PI4K2A: variants seen among roughly 807,000 people sequenced by gnomAD.
The protein encoded by PI4K2A is phosphatidylinositol 4-kinase type 2-alpha.
A neutral mutation model predicts 55.0 loss-of-function variants in PI4K2A; 20 were observed. That is an observed-to-expected ratio of 0.36 (90% CI 0.26 to 0.53). PI4K2A has a LOEUF of 0.53. Among genes scored for constraint, PI4K2A ranks in the 20% least tolerant of loss-of-function variants. The probability of loss-of-function intolerance (pLI) is 0.91; values close to 1 mark genes in which losing one functional copy is unlikely to be tolerated. For synonymous variants in PI4K2A, 235 were observed against 258.5 expected, an observed-to-expected ratio of 0.91 and a Z score of 0.87; for missense variants, 463 against 637.1, an observed-to-expected ratio of 0.73 and a Z score of 2.94.
exon 8 of PI4K2A, chr10:97,667,111 G>C: frequency 6.2e-7 from 1 of 1,612,668 alleles, no homozygotes; most frequent in Non-Finnish European, 8.5e-7. Flanking sequence ...TTGCTGTCAT[G>C]CGGGGCCAGG....
chr10:97,645,452 C>G (rs905789381), intron 1 of PI4K2A, among the ~76,000 whole-genome samples: 1 of 151,538 alleles, frequency 6.6e-6, no homozygotes, highest in Non-Finnish European at 1.5e-5. Context: ...ACTAGAAATA[C>G]AAAAAATTAG....
chr10:97,649,524 G>C (rs1427322982), intron 1 of PI4K2A, among the ~76,000 whole-genome samples: 1 of 146,732 alleles, frequency 6.8e-6, no homozygotes, highest in Non-Finnish European at 1.5e-5. Flanking sequence ...TTCCTGCTGT[G>C]ATTTTTCTCT....
intron 4 of PI4K2A, among the ~76,000 whole-genome samples, chr10:97,661,528 G>GC (rs2041584222): frequency 6.9e-6 from 1 of 144,148 alleles, no homozygotes; most frequent in Non-Finnish European, 1.5e-5. Flanking sequence ...TTTCCTTTCT[G>GC]TTTTTTTTTT....
intron 4 of PI4K2A, among the ~76,000 whole-genome samples, chr10:97,660,203 G>A (rs201119888): frequency 7.4e-5 from 11 of 148,456 alleles, no homozygotes; most frequent in Non-Finnish European, 1.3e-4. Flanking sequence ...GGGTTTCACC[G>A]TGTTAGCCAG....
At chr10:97,646,566 C>G (rs769334552) in intron 1 of PI4K2A, among the ~76,000 whole-genome samples, 14 of 152,148 alleles carry the variant, frequency 9.2e-5, no homozygotes, top group Non-Finnish European at 1.9e-4. Flanking sequence ...TGAGAACTAT[C>G]CACTTAATGT....
At chr10:97,667,112 C>T (rs751856414) in exon 8 of PI4K2A, 2 of 1,611,340 alleles carry the variant, frequency 1.2e-6, no homozygotes, top group South Asian at 2.2e-5. Flanking sequence ...TGCTGTCATG[C>T]GGGGCCAGGT....
rs12259459 is a variant in PI4K2A, at chr10:97,670,213, G to T, written c.1278+3093G>T. Reference sequence around the variant, plus strand: ...CCACATCCAGCCCAACATTTTCAAAGATAGTATTTATTCTTTAGTATTATG... The same window carrying T: ...CCACATCCAGCCCAACATTTTCAAATATAGTATTTATTCTTTAGTATTATG... On this transcript the variant is annotated intron_variant, in intron 8 of 8. Coordinates refer to ENST00000370631, the Ensembl canonical transcript of PI4K2A. 8.0e-3 allele frequency among the ~76,000 whole-genome samples: 1,219 copies of T among 152,256 alleles called. 15 individuals carry two copies. Among genetic ancestry groups the T allele is most frequent in the African/African-American group, 0.027 (1,128 of 41,538 alleles).
chr10:97,644,674 A>G (rs2041495446), intron 1 of PI4K2A, among the ~76,000 whole-genome samples: 1 of 152,248 alleles, frequency 6.6e-6, no homozygotes, highest in Non-Finnish European at 1.5e-5. Flanking sequence ...GAAGAAGGAA[A>G]GGGAGAGGGT....
exon 9 of PI4K2A, chr10:97,673,840 ACCTTTAAGAGC>A: frequency 7.2e-6 from 8 of 1,117,254 alleles, no homozygotes; most frequent in Non-Finnish European, 1.0e-5. Flanking sequence ...GGAGAGCAGC[ACCTTTAAGAGC>A]CCTCTCTCTC....
chr10:97,641,000 T>A (rs770096182), exon 1 of PI4K2A: 495 of 1,548,304 alleles, frequency 3.2e-4, no homozygotes, highest in Non-Finnish European at 4.1e-4. Flanking sequence ...CTCTGGCCGC[T>A]CAGGCCGCGG....
chr10:97,675,951 G>C (rs927250770), exon 9 of PI4K2A: 1 of 152,686 alleles, frequency 6.5e-6, no homozygotes, highest in African/African-American at 2.4e-5. Flanking sequence ...TGGGCTGCGA[G>C]AGTGTTGCTG....
chr10:97,665,578 G>A (rs2041605755), intron 6 of PI4K2A, among the ~76,000 whole-genome samples: 1 of 144,872 alleles, frequency 6.9e-6, no homozygotes, highest in Non-Finnish European at 1.5e-5. Flanking sequence ...CTGGCTGAGG[G>A]CTATTTATTT....
At chr10:97,673,132 G>A (rs538803303) in intron 8 of PI4K2A, among the ~76,000 whole-genome samples, 2 of 152,120 alleles carry the variant, frequency 1.3e-5, no homozygotes, top group African/African-American at 2.4e-5. Context: ...GACTACAGGC[G>A]TGTGCCACCA....
intron 4 of PI4K2A, among the ~76,000 whole-genome samples, chr10:97,661,002 A>AT (rs2041580215): frequency 7.0e-6 from 1 of 143,508 alleles, no homozygotes; most frequent in Non-Finnish European, 1.5e-5. Context: ...TTTATTTTAT[A>AT]TTTTTTGGAG....
At chr10:97,654,833 C>T (rs1019536513) in intron 2 of PI4K2A, among the ~76,000 whole-genome samples, 2 of 151,570 alleles carry the variant, frequency 1.3e-5, no homozygotes, top group Non-Finnish European at 2.9e-5. Context: ...ATTGATGGCT[C>T]ATAAAAATTT....
chr10:97,662,346 C>T (rs1276304692), intron 4 of PI4K2A, among the ~76,000 whole-genome samples: 2 of 152,096 alleles, frequency 1.3e-5, no homozygotes, highest in East Asian at 3.8e-4. Flanking sequence ...TATCAGAAAT[C>T]GTAGAGCTGT....
intron 4 of PI4K2A, among the ~76,000 whole-genome samples, chr10:97,660,037 T>C (rs1186543116): frequency 6.6e-4 from 98 of 149,382 alleles, no homozygotes; most frequent in Admixed American, 2.3e-3. Flanking sequence ...AGTCTCGCTC[T>C]GTCACCCAGG....
chr10:97,651,953 G>A (rs948981900), intron 2 of PI4K2A, among the ~76,000 whole-genome samples: 4 of 152,102 alleles, frequency 2.6e-5, no homozygotes, highest in African/African-American at 7.2e-5. Context: ...TGAGTACGTG[G>A]CTACCTGGGG....
rs530111191 is a variant in PI4K2A at position 97,643,246 on chromosome 10, C to T, written c.435+2069C>T. ...AGCAGTCATCCTCTTGCCTCAGCCT[C>T]CCAAAGTGCTGGGATTACAGGTGTG... On this transcript the variant is annotated intron_variant, in intron 1 of 8. Coordinates refer to ENST00000370631, the Ensembl canonical transcript of PI4K2A. Among the ~76,000 whole-genome samples the T allele has an allele frequency of 4.3e-4, 66 of 152,090 alleles. 1 individual carries two copies. Among genetic ancestry groups the T allele is most frequent in the Non-Finnish European group, 8.7e-4 (59 of 68,034 alleles).
Sources: allele counts gnomAD v4.1 joint callset (sites outside exome capture counted in the v4.1 genomes callset), GRCh38; gene constraint gnomAD v4.1.1; transcripts MANE v1.5; gene names NCBI Gene and HGNC (gene_info 2026-07-23, HGNC 2026-07-21).